The following MYO5B variants were observed in gnomAD, a reference collection of about 807,000 sequenced individuals.
MYO5B encodes myosin VB, also known as unconventional myosin-Vb.
In MYO5B, 143 loss-of-function variants were observed where a neutral mutation model predicts 229.3. The observed-to-expected ratio is 0.62, with a 90% CI of 0.54 to 0.72. The LOEUF is 0.72. MYO5B is among the 30% of genes least tolerant of loss of function. The pLI, the probability that MYO5B is intolerant of heterozygous loss-of-function variation, is 0.00. For synonymous variants in MYO5B, 918 were observed against 885.2 expected, an observed-to-expected ratio of 1.04 and a Z score of -0.66; for missense variants, 2,321 against 2,331.0, an observed-to-expected ratio of 1.00 and a Z score of 0.09.
At chr18:49,985,411 G>C (rs183975239) in intron 7 of MYO5B, among the ~76,000 whole-genome samples, 1 of 152,284 alleles carries the variant, frequency 6.6e-6, no homozygotes, top group Admixed American at 6.5e-5. Context: ...CAGCCTAGGG[G>C]ACAGCTGGTA....
chr18:49,967,049 G>A (rs929310204), intron 10 of MYO5B, among the ~76,000 whole-genome samples: 1 of 152,186 alleles, frequency 6.6e-6, no homozygotes, highest in East Asian at 1.9e-4. Flanking sequence ...AAAGAGAACT[G>A]AATTTCTCTT....
In MYO5B at chr18:49,993,978, C is replaced by T. The variant is rs112756839; in HGVS notation, c.613-1547G>A. ...TGGTCCCGGCTTCTAACAATCCTAA[C>T]TCCCTTTTTCTTTCTCCAAAGCCCT... On this transcript the variant is annotated intron_variant, in intron 5 of 39. Transcript: ENST00000285039. Among the ~76,000 whole-genome samples, 689 of 152,286 alleles carry T rather than the reference C, an allele frequency of 4.5e-3. 2 individuals are homozygous for T. Among genetic ancestry groups the T allele is most frequent in the Middle Eastern group, 0.01 (3 of 294 alleles).
At chr18:50,178,159 G>C (rs1024904642) in intron 1 of MYO5B, among the ~76,000 whole-genome samples, 3 of 152,054 alleles carry the variant, frequency 2.0e-5, no homozygotes, top group Non-Finnish European at 2.9e-5. Context: ...GTGGGGAGAG[G>C]GTAGTTGTGG....
intron 4 of MYO5B, among the ~76,000 whole-genome samples, chr18:50,004,370 A>G (rs765263761): frequency 1.4e-4 from 21 of 152,202 alleles, no homozygotes; most frequent in Non-Finnish European, 2.6e-4. Flanking sequence ...AGTTTAAAAA[A>G]TCTTTACACT....
chr18:50,001,474 CTCTG>C, intron 4 of MYO5B, 63 bp from the exon 5 acceptor site: 1 of 1,586,876 alleles, frequency 6.3e-7, no homozygotes, highest in Non-Finnish European at 8.6e-7. Flanking sequence ...CGTCCAGGGA[CTCTG>C]TCTGACAAGG....
chr18:50,090,201 C>T (rs564681261), intron 1 of MYO5B, among the ~76,000 whole-genome samples: 1 of 152,142 alleles, frequency 6.6e-6, no homozygotes, highest in South Asian at 2.1e-4. Flanking sequence ...CCTGGTGTTC[C>T]TCCACTCCAG....
At chr18:49,964,911 G>A (rs2025605165) in intron 10 of MYO5B, among the ~76,000 whole-genome samples, 1 of 152,226 alleles carries the variant, frequency 6.6e-6, no homozygotes, top group Non-Finnish European at 1.5e-5. Context: ...GGCAGAGGCA[G>A]GGGTCCTCCC....
intron 1 of MYO5B, among the ~76,000 whole-genome samples, chr18:50,160,776 CA>C (rs2144319061): frequency 6.6e-6 from 1 of 152,184 alleles, no homozygotes; most frequent in African/African-American, 2.4e-5. Context: ...GGGCCTAGCC[CA>C]AAGGAAATCC....
intron 16 of MYO5B, among the ~76,000 whole-genome samples, chr18:49,934,516 G>A (rs879674412): frequency 6.6e-5 from 10 of 152,252 alleles, no homozygotes; most frequent in Non-Finnish European, 1.2e-4. Flanking sequence ...GCTCTGATGA[G>A]GGAAAGGCCC....
chr18:50,049,184 A>G (rs1394166721), intron 2 of MYO5B, among the ~76,000 whole-genome samples: 3 of 152,308 alleles, frequency 2.0e-5, no homozygotes, highest in East Asian at 3.9e-4. Context: ...CCTATATTGT[A>G]TATTTTCATC....
intron 1 of MYO5B, among the ~76,000 whole-genome samples, chr18:50,122,360 C>T (rs1013279577): frequency 2.8e-5 from 4 of 144,944 alleles, no homozygotes; most frequent in Admixed American, 1.4e-4. Flanking sequence ...CCAGCACTTT[C>T]GCAGGCCGAG....
chr18:50,072,399 G>A (rs898544124), intron 1 of MYO5B, among the ~76,000 whole-genome samples: 1 of 152,226 alleles, frequency 6.6e-6, no homozygotes, highest in Non-Finnish European at 1.5e-5. Context: ...AGACAAGAGT[G>A]AGTAGGGAAG....
At chr18:50,048,762 C>T (rs1046848445) in intron 2 of MYO5B, among the ~76,000 whole-genome samples, 3 of 152,094 alleles carry the variant, frequency 2.0e-5, no homozygotes, top group African/African-American at 4.8e-5. Context: ...GTGGCTCATG[C>T]CTGTAATCCC....
chr18:49,921,730 C>A (rs1314416918), intron 17 of MYO5B, among the ~76,000 whole-genome samples: 1 of 152,126 alleles, frequency 6.6e-6, no homozygotes, highest in East Asian at 1.9e-4. Flanking sequence ...ATTCCTCTTC[C>A]AGGGCATCGG....
chr18:50,184,979 G>A (rs2033127798), intron 1 of MYO5B, among the ~76,000 whole-genome samples: 1 of 151,970 alleles, frequency 6.6e-6, no homozygotes, highest in South Asian at 2.1e-4. Context: ...GGAGGCTGAG[G>A]TGGGAGGATT....
chr18:49,899,423 G>A (rs771811446), intron 21 of MYO5B, among the ~76,000 whole-genome samples: 3 of 152,246 alleles, frequency 2.0e-5, no homozygotes, highest in African/African-American at 2.4e-5. Context: ...AATGCCAGCC[G>A]GTCCCAAGCA....
chr18:50,174,921 C>A (rs942328711), intron 1 of MYO5B, among the ~76,000 whole-genome samples: 11 of 152,204 alleles, frequency 7.2e-5, no homozygotes, highest in Non-Finnish European at 5.9e-5. Context: ...CATGCCAAGT[C>A]TCTGGTCAAG....
In MYO5B at chr18:49,894,971, G is replaced by C; in HGVS notation, c.3015C>G (p.Ala1005=). The C allele has an allele frequency of 6.2e-7, 1 of 1,613,434 alleles. No individual in the cohort carries two copies. Among genetic ancestry groups the C allele is most frequent in the Non-Finnish European group, 8.5e-7 (1 of 1,180,028 alleles). ...AHSERKILED[A]HSREKDELRK... Reference sequence around the variant, plus strand: ...TCAGCTCATCTTTCTCCCTGCTGTGGGCGTCCTCCAAGATCTTGCGCTCCG... The same window carrying C: ...TCAGCTCATCTTTCTCCCTGCTGTGCGCGTCCTCCAAGATCTTGCGCTCCG... The change falls in exon 22 of 40, where the codon GCC becomes GCG. Residue 1005 remains alanine (A), a synonymous_variant. Transcript: ENST00000285039.
intron 4 of MYO5B, among the ~76,000 whole-genome samples, chr18:50,015,715 C>T (rs2026209031): frequency 6.6e-6 from 1 of 152,340 alleles, no homozygotes; most frequent in East Asian, 1.9e-4. Flanking sequence ...AATACAGCTT[C>T]CAAGGCCCCA....
Sources: allele counts gnomAD v4.1 joint callset (sites outside exome capture counted in the v4.1 genomes callset), GRCh38; gene constraint gnomAD v4.1.1; transcripts MANE v1.5; gene names NCBI Gene and HGNC (gene_info 2026-07-23, HGNC 2026-07-21).